Variants in NOMO1 observed in about 807,000 individuals in gnomAD.
NOMO1 encodes the protein NODAL modulator 1.
Under a neutral mutation model 133.8 loss-of-function variants are expected in NOMO1, and 40 were observed. The ratio of observed to expected loss-of-function variants is 0.30; its 90% confidence interval spans 0.23 to 0.39. The LOEUF (loss-of-function observed/expected upper bound fraction) is 0.39. Among genes scored for constraint, NOMO1 ranks in the 10% least tolerant of loss-of-function variants. The pLI, the probability that NOMO1 is intolerant of heterozygous loss-of-function variation, is 1.00. For missense variants in NOMO1, 462 were observed against 1,419.9 expected (o/e 0.33, Z 10.84); for synonymous variants, 236 against 570.5 (o/e 0.41, Z 8.36).
intron 27 of NOMO1, 124 bp downstream of exon 27, chr16:14,884,606 A>G (rs1299563587): frequency 3.7e-5 from 53 of 1,435,564 alleles, no homozygotes; most frequent in Non-Finnish European, 4.9e-5. Context: ...GGTGCTCCAG[A>G]GCGCCGCCTG....
chr16:14,858,559 C>T (rs1380950207), intron 11 of NOMO1, among the ~76,000 whole-genome samples: 2 of 151,742 alleles, frequency 1.3e-5, no homozygotes, highest in Non-Finnish European at 2.9e-5. Flanking sequence ...TGAGCAAAGT[C>T]AGGCAGTCTC....
At chr16:14,875,883 T>G (rs1295138554) in intron 20 of NOMO1, among the ~76,000 whole-genome samples, 1 of 151,524 alleles carries the variant, frequency 6.6e-6, no homozygotes, top group Non-Finnish European at 1.5e-5. Context: ...ATTTGTCTTT[T>G]GCCACTTATT....
chr16:14,891,529 G>T (rs1964405590), intron 29 of NOMO1, among the ~76,000 whole-genome samples: 1 of 151,500 alleles, frequency 6.6e-6, no homozygotes, highest in South Asian at 2.1e-4. Context: ...AATTTATTGT[G>T]TTTTTTTCAG....
chr16:14,880,438 C>T (rs1168027925), intron 24 of NOMO1, among the ~76,000 whole-genome samples: 1 of 151,962 alleles, frequency 6.6e-6, no homozygotes, highest in Non-Finnish European at 1.5e-5. Flanking sequence ...CTTGCCCAGG[C>T]TGGAGTACAA....
chr16:14,879,368 C>T (rs1202954702), intron 23 of NOMO1, among the ~76,000 whole-genome samples: 1 of 151,916 alleles, frequency 6.6e-6, no homozygotes, highest in Non-Finnish European at 1.5e-5. Context: ...GAAGACACCA[C>T]TTTGCAGTGA....
chr16:14,835,322 C>T (rs1963488726), intron 1 of NOMO1, among the ~76,000 whole-genome samples: 1 of 151,158 alleles, frequency 6.6e-6, no homozygotes, highest in African/African-American at 2.5e-5. Context: ...CGGCAGGGCT[C>T]CTAGGATTTC....
At chr16:14,875,602 T>A (rs1421680164) in intron 20 of NOMO1, among the ~76,000 whole-genome samples, 180 bp downstream of exon 20, 667 of 149,218 alleles carry the variant, frequency 4.5e-3, no homozygotes, top group Middle Eastern at 0.031. Context: ...GATGGTTGGG[T>A]TGGATGGATG....
chr16:14,864,657 A>C lies in NOMO1; in HGVS notation c.1468A>C (p.Asn490His), dbSNP rs1062412. 1 of 1,607,072 alleles carries C rather than the reference A, an allele frequency of 6.2e-7. No homozygotes were observed. The highest frequency in any genetic ancestry group is 1.1e-5 in the South Asian group (1 of 90,974). The change falls in exon 13 of 31, where the codon AAC becomes CAC. Residue 490 changes from asparagine to histidine, a missense_variant. Transcript: ENST00000287667. ...KPQTFPLTVT[N>H]RPMMDVAFVQ... is the part of the protein sequence containing the mutation. ...CCAGACATTTCCTCTTACTGTGACC[A>C]ACAGGCCCATGATGGATGTGGCCTT... is the stretch of plus-strand genomic sequence containing the variant.
chr16:14,855,916 T>C (rs1567539709), intron 9 of NOMO1, among the ~76,000 whole-genome samples: 1 of 152,038 alleles, frequency 6.6e-6, no homozygotes, highest in Non-Finnish European at 1.5e-5. Flanking sequence ...AACATGTCTT[T>C]TTGGAAAGAT....
chr16:14,859,626 G>A (rs1336554948), intron 11 of NOMO1, among the ~76,000 whole-genome samples: 1 of 151,888 alleles, frequency 6.6e-6, no homozygotes, highest in Non-Finnish European at 1.5e-5. Flanking sequence ...ACCAGCCTGG[G>A]CAACTTGGCA....
chr16:14,876,457 A>G lies in NOMO1; in HGVS notation c.2455A>G (p.Ser819Gly). 1.9e-6 allele frequency: 3 copies of G among 1,611,488 alleles called. No homozygotes were observed. The highest frequency in any genetic ancestry group is 2.5e-6 in the Non-Finnish European group (3 of 1,179,782). The change falls in exon 21 of 31, where the codon AGT becomes GGT. Residue 819 changes from serine to glycine, a missense_variant. By Grantham distance (56) the Ser-to-Gly change is moderately conservative (BLOSUM62 0). Coordinates refer to ENST00000287667, the MANE Select transcript of NOMO1 (RefSeq NM_014287.4). ...GTTGGAAGGAGTCGAGATTGTCATC[A>G]GTGAAAAGGGGGCAAGTTCACCGCT... ...PELEGVEIVI[S>G]EKGASSPLIT... is the part of the protein sequence containing the mutation.
chr16:14,840,764 T>G (rs1398014861), intron 2 of NOMO1, among the ~76,000 whole-genome samples: 3 of 145,366 alleles, frequency 2.1e-5, no homozygotes, highest in Admixed American at 1.4e-4. Context: ...TGGGCTCAAG[T>G]GATCTTCCTG....
intron 1 of NOMO1, among the ~76,000 whole-genome samples, chr16:14,837,235 C>T (rs1391463018): frequency 2.6e-5 from 4 of 151,746 alleles, no homozygotes; most frequent in Middle Eastern, 6.8e-3. Flanking sequence ...GGCTGGTCTC[C>T]TGGGCTCAAG....
intron 22 of NOMO1, among the ~76,000 whole-genome samples, chr16:14,877,672 A>C (rs1964181416): frequency 6.6e-6 from 1 of 151,742 alleles, no homozygotes; most frequent in African/African-American, 2.4e-5. Context: ...AAGCCTCTGT[A>C]GTTACTGAGG....
intron 22 of NOMO1, among the ~76,000 whole-genome samples, chr16:14,877,489 T>G (rs1240924002): frequency 6.6e-6 from 1 of 150,862 alleles, no homozygotes; most frequent in Non-Finnish European, 1.5e-5. Flanking sequence ...GGAACCAAAC[T>G]GAAAGATATT....
chr16:14,847,865 G>T lies in NOMO1; in HGVS notation c.510-1034G>T, dbSNP rs1963705162. ...AAATAACATTTACTTCTGCTTGACT[G>T]GTGCCTCTCCAGGCCTGGTGTGTAG... On this transcript the variant is annotated intron_variant, in intron 5 of 30. Transcript: ENST00000287667. Among the ~76,000 whole-genome samples, 3 of 151,746 alleles carry T rather than the reference G, an allele frequency of 2.0e-5. No homozygotes were observed. In the South Asian group the frequency reaches 6.3e-4, roughly 32 times the overall value.
intron 15 of NOMO1, among the ~76,000 whole-genome samples, chr16:14,867,149 G>GAT (rs1171568936): frequency 0.036 from 624 of 17,192 alleles, 11 homozygotes; most frequent in African/African-American, 0.044. Flanking sequence ...GAGTTTCTCT[G>GAT]ATATATATAT....
At position 14,837,134 on chromosome 16, in the gene NOMO1, C is replaced by T. The variant is rs540457022; in HGVS notation, c.166-1273C>T. 6.2e-4 allele frequency among the ~76,000 whole-genome samples: 94 copies of T among 152,120 alleles called. 3 individuals are homozygous for T. In the East Asian group the frequency reaches 0.016, roughly 27 times the overall value. On this transcript the variant is annotated intron_variant, in intron 1 of 30. Transcript: ENST00000287667. ...CTGGCCTCAAGCAGTCCTCCTGCCT[C>T]GGCCTCCTGAGTAGCTGAGGCTACA...
chr16:14,859,045 G>T (rs1460235538), intron 11 of NOMO1, among the ~76,000 whole-genome samples: 1 of 152,050 alleles, frequency 6.6e-6, no homozygotes, highest in East Asian at 1.9e-4. Flanking sequence ...GGTAAATCCT[G>T]AAGATTTGGC....
Sources: gnomAD v4.1 joint callset for allele counts (sites outside exome capture counted in the v4.1 genomes callset) on GRCh38, gnomAD v4.1.1 for gene constraint, MANE v1.5 for transcripts, NCBI Gene and HGNC (gene_info 2026-07-23, HGNC 2026-07-21) for gene names.